The following ACVR1C variants were observed in gnomAD, a reference collection of about 807,000 sequenced individuals.
The protein encoded by ACVR1C is activin receptor type-1C.
A neutral mutation model predicts 57.9 loss-of-function variants in ACVR1C; 23 were observed. The observed-to-expected ratio is 0.40, with a 90% CI of 0.29 to 0.56. The LOEUF is 0.56. ACVR1C is among the 20% of genes least tolerant of loss of function. The probability of loss-of-function intolerance (pLI) is 0.50; values close to 1 mark genes in which losing one functional copy is unlikely to be tolerated. For synonymous variants in ACVR1C, 214 were observed against 215.3 expected (o/e 0.99, Z 0.05); for missense variants, 480 against 607.9 (o/e 0.79, Z 2.21).
At chr2:157,544,895 A>G (rs1022446113) in intron 4 of ACVR1C, among the ~76,000 whole-genome samples, 1 of 152,230 alleles carries the variant, frequency 6.6e-6, no homozygotes, top group African/African-American at 2.4e-5. Flanking sequence ...CTCTGTATCA[A>G]TACCTGCTGG....
intron 1 of ACVR1C, among the ~76,000 whole-genome samples, chr2:157,603,908 T>C (rs1203962480): frequency 1.3e-5 from 2 of 152,036 alleles, no homozygotes; most frequent in Non-Finnish European, 2.9e-5. Context: ...TAACTGCATA[T>C]GGCAAAAAAA....
At chr2:157,540,419 GGCGCAA>G (rs1350908317) in intron 7 of ACVR1C, among the ~76,000 whole-genome samples, 6 of 151,280 alleles carry the variant, frequency 4.0e-5, no homozygotes, top group Non-Finnish European at 8.8e-5. Context: ...GGAGTGCAAT[GGCGCAA>G]TCTCAGCTCA....
In ACVR1C at chr2:157,628,698, C is replaced by A; in HGVS notation, c.-54G>T. The stretch of plus-strand genomic sequence containing the variant: ...GAGGCCCCAGAGCAGAGCGAGGCAG[C>A]CGGGGCAGCACGGCCCGCTTTGAAG... On this transcript the variant is annotated 5_prime_UTR_variant, in exon 1 of 9. Transcript: ENST00000243349. The A allele has an allele frequency of 6.9e-7, 1 of 1,449,006 alleles. No individual in the cohort carries two copies. The highest frequency in any genetic ancestry group is 1.5e-5 in the African/African-American group (1 of 67,940). The allele number at this position is 1,449,006 out of a possible 1,614,324, so 89.8% of individuals were successfully genotyped here.
At chr2:157,614,741 G>T (rs1682603620) in intron 1 of ACVR1C, among the ~76,000 whole-genome samples, 6 of 152,150 alleles carry the variant, frequency 3.9e-5, no homozygotes, top group Admixed American at 3.9e-4. Context: ...TATCACTATG[G>T]AATATCCCTT....
At chr2:157,599,314 CAAAAAAAAAAAAAAAAAAAAAAA>C (rs60182304) in intron 1 of ACVR1C, among the ~76,000 whole-genome samples, 29 of 40,602 alleles carry the variant, frequency 7.1e-4, no homozygotes, top group South Asian at 3.4e-3. Context: ...AGCCTGGGCT[CAAAAAAAAAAAAAAAAAAAAAAA>C]AAAAAAAAAA....
chr2:157,587,414 A>C lies in ACVR1C; in HGVS notation c.77T>G (p.Leu26Arg), dbSNP rs753233431. 11 of 1,607,986 alleles carry C rather than the reference A, an allele frequency of 6.8e-6. No homozygotes were observed. In the African/African-American group the frequency reaches 1.5e-4, roughly 22 times the overall value. The change falls in exon 2 of 9, where the codon CTG becomes CGG. Residue 26 changes from leucine to arginine, a missense_variant. Coordinates refer to ENST00000243349, the MANE Select transcript of ACVR1C (RefSeq NM_145259.3). The part of the protein sequence containing the change: ...LAAAAELSPG[L>R]KCVCLLCDSS... The stretch of plus-strand genomic sequence containing the variant: ...ATCACACAAAAGACATACACACTTC[A>C]GTCCTGGAAAGAGTAAGGCAAAAAG...
intron 1 of ACVR1C, among the ~76,000 whole-genome samples, chr2:157,592,926 G>A (rs181658957): frequency 2.6e-5 from 4 of 152,150 alleles, no homozygotes; most frequent in African/African-American, 9.6e-5. Flanking sequence ...CCTATGGAAA[G>A]GGACAGCAAA....
chr2:157,621,742 G>A (rs564074679), intron 1 of ACVR1C, among the ~76,000 whole-genome samples: 22 of 152,074 alleles, frequency 1.4e-4, no homozygotes, highest in Non-Finnish European at 2.9e-4. Flanking sequence ...GGACTAATGC[G>A]AGGTATTGCA....
intron 1 of ACVR1C, among the ~76,000 whole-genome samples, chr2:157,624,596 C>T (rs1447655032): frequency 1.3e-5 from 2 of 152,098 alleles, no homozygotes; most frequent in African/African-American, 4.8e-5. Flanking sequence ...TCTAGATACT[C>T]ATGTAGGATT....
intron 1 of ACVR1C, among the ~76,000 whole-genome samples, chr2:157,619,236 TAA>T (rs766821271): frequency 7.1e-6 from 1 of 141,196 alleles, no homozygotes; most frequent in Admixed American, 7.1e-5. Flanking sequence ...TAGAATTCTG[TAA>T]AAAAAAAAAA....
chr2:157,598,625 C>T (rs1682198683), intron 1 of ACVR1C, among the ~76,000 whole-genome samples: 1 of 151,628 alleles, frequency 6.6e-6, no homozygotes, highest in Admixed American at 6.6e-5. Context: ...CTGCAATCCC[C>T]ACCTCCTGGT....
In ACVR1C at chr2:157,552,776, G is replaced by C. The variant is rs74744891; in HGVS notation, c.545-2384C>G. On this transcript the variant is annotated intron_variant, in intron 3 of 8. Coordinates refer to ENST00000243349, the MANE Select transcript of ACVR1C (RefSeq NM_145259.3). ...GAGACATTAAAACTCAATAAAATTT[G>C]CTTTGGTATCTTTCAAAGCAACCAC... 2.5e-3 allele frequency among the ~76,000 whole-genome samples: 388 copies of C among 152,324 alleles called. 1 individual carries two copies. Among genetic ancestry groups the C allele is most frequent in the African/African-American group, 8.9e-3 (368 of 41,568 alleles).
intron 2 of ACVR1C, among the ~76,000 whole-genome samples, chr2:157,578,629 A>G (rs967370865): frequency 2.6e-5 from 4 of 152,138 alleles, no homozygotes; most frequent in Non-Finnish European, 4.4e-5. Context: ...GGGGTCACTA[A>G]TAGCAAACTC....
intron 5 of ACVR1C, among the ~76,000 whole-genome samples, chr2:157,543,475 T>A (rs915087212): frequency 2.0e-5 from 3 of 152,260 alleles, no homozygotes; most frequent in Non-Finnish European, 4.4e-5. Context: ...AAAAAAGTTG[T>A]TATATTTAAA....
At chr2:157,577,296 T>C (rs1318995598) in intron 2 of ACVR1C, among the ~76,000 whole-genome samples, 1 of 152,240 alleles carries the variant, frequency 6.6e-6, no homozygotes, top group African/African-American at 2.4e-5. Flanking sequence ...GTTTCAACCC[T>C]GTATATTCTC....
chr2:157,582,264 G>T (rs973797582), intron 2 of ACVR1C, among the ~76,000 whole-genome samples: 5 of 152,170 alleles, frequency 3.3e-5, no homozygotes, highest in Non-Finnish European at 5.9e-5. Context: ...GTTCAAGGCT[G>T]CAGTGAGCCA....
intron 1 of ACVR1C, among the ~76,000 whole-genome samples, chr2:157,611,384 G>A (rs1050282642): frequency 2.6e-5 from 4 of 152,196 alleles, no homozygotes; most frequent in Admixed American, 6.5e-5. Flanking sequence ...AGGAATTCCA[G>A]GTGGGTCGGT....
intron 1 of ACVR1C, among the ~76,000 whole-genome samples, chr2:157,622,581 A>G (rs926913364): frequency 6.6e-5 from 10 of 152,184 alleles, no homozygotes; most frequent in African/African-American, 2.4e-4. Flanking sequence ...GAATGTAACT[A>G]GACCCCTATC....
chr2:157,580,030 G>A (rs993295583), intron 2 of ACVR1C, among the ~76,000 whole-genome samples: 1 of 149,986 alleles, frequency 6.7e-6, no homozygotes, highest in Admixed American at 6.7e-5. Context: ...TCTCTCTCAC[G>A]CACCCCCTCT....
Sources: gnomAD v4.1 joint callset for allele counts (sites outside exome capture counted in the v4.1 genomes callset) on GRCh38, gnomAD v4.1.1 for gene constraint, MANE v1.5 for transcripts, NCBI Gene and HGNC (gene_info 2026-07-23, HGNC 2026-07-21) for gene names.